The following SERGEF variants were observed in gnomAD, a reference collection of about 807,000 sequenced individuals.
The protein encoded by SERGEF is secretion-regulating guanine nucleotide exchange factor.
A neutral mutation model predicts 50.0 loss-of-function variants in SERGEF; 51 were observed. The observed-to-expected ratio is 1.02, with a 90% CI of 0.81 to 1.29. The LOEUF (loss-of-function observed/expected upper bound fraction) is 1.29, where lower values mean the gene tolerates loss of function less well. Ranked by LOEUF, SERGEF falls within the 50% of genes most tolerant of loss-of-function variation. The pLI is 0.00. For missense variants in SERGEF, 521 were observed against 557.0 expected (o/e 0.94, Z 0.65); for synonymous variants, 205 against 212.4 (o/e 0.97, Z 0.30).
chr11:17,920,953 G>A (rs1484757607), intron 9 of SERGEF, among the ~76,000 whole-genome samples: 3 of 152,180 alleles, frequency 2.0e-5, no homozygotes, highest in Admixed American at 6.5e-5. Flanking sequence ...ATCTTCAGGG[G>A]AATGTATTTA....
chr11:17,887,804 A>G (rs1851458940), intron 9 of SERGEF, among the ~76,000 whole-genome samples: 1 of 152,258 alleles, frequency 6.6e-6, no homozygotes, highest in Non-Finnish European at 1.5e-5. Context: ...CATCATCAGT[A>G]TAATGGATAC....
intron 9 of SERGEF, among the ~76,000 whole-genome samples, chr11:17,938,345 T>C (rs961727464): frequency 2.0e-5 from 3 of 152,190 alleles, no homozygotes; most frequent in Admixed American, 6.5e-5. Flanking sequence ...CAATATAATA[T>C]GAGCATCTTA....
At chr11:17,883,130 A>C (rs1851367343) in intron 9 of SERGEF, among the ~76,000 whole-genome samples, 1 of 152,180 alleles carries the variant, frequency 6.6e-6, no homozygotes, top group Non-Finnish European at 1.5e-5. Flanking sequence ...CCGAAACCCC[A>C]ATGCCAGAGG....
At chr11:17,997,383 G>A (rs1452266761) in intron 5 of SERGEF, among the ~76,000 whole-genome samples, 3 of 152,168 alleles carry the variant, frequency 2.0e-5, no homozygotes, top group Non-Finnish European at 4.4e-5. Context: ...AAAATAACAA[G>A]TGTTGGTGAG....
chr11:17,842,501 T>G (rs989315204), intron 10 of SERGEF, among the ~76,000 whole-genome samples: 2 of 152,220 alleles, frequency 1.3e-5, no homozygotes, highest in Non-Finnish European at 2.9e-5. Context: ...GGTATTCAGT[T>G]AATCCTTTCA....
At chr11:17,916,995 G>A (rs186544323) in intron 9 of SERGEF, among the ~76,000 whole-genome samples, 1 of 152,196 alleles carries the variant, frequency 6.6e-6, no homozygotes, top group Middle Eastern at 3.2e-3. Flanking sequence ...AGCCACTACA[G>A]GAAACAGTGT....
intron 10 of SERGEF, among the ~76,000 whole-genome samples, chr11:17,857,983 T>C (rs1850855024): frequency 2.0e-5 from 3 of 151,186 alleles, no homozygotes; most frequent in Admixed American, 6.6e-5. Context: ...ATACCACAGA[T>C]GAAGGAGGTA....
At chr11:17,976,224 C>T (rs549179810) in intron 8 of SERGEF, among the ~76,000 whole-genome samples, 1 of 152,242 alleles carries the variant, frequency 6.6e-6, no homozygotes, top group South Asian at 2.1e-4. Flanking sequence ...CAATATTCCT[C>T]AGAATGGGCT....
At chr11:18,009,765 G>C (rs1220547287) in intron 1 of SERGEF, among the ~76,000 whole-genome samples, 1 of 152,104 alleles carries the variant, frequency 6.6e-6, no homozygotes, top group African/African-American at 2.4e-5. Context: ...TCCCTAATCT[G>C]AAATGCTTAC....
At chr11:17,970,840 G>A (rs983213696) in intron 8 of SERGEF, among the ~76,000 whole-genome samples, 1 of 152,124 alleles carries the variant, frequency 6.6e-6, no homozygotes, top group Non-Finnish European at 1.5e-5. Flanking sequence ...GCTAAGAGAC[G>A]TGAGGGAACT....
At chr11:17,938,034 C>G (rs961388181) in intron 9 of SERGEF, among the ~76,000 whole-genome samples, 1 of 152,182 alleles carries the variant, frequency 6.6e-6, no homozygotes, top group Non-Finnish European at 1.5e-5. Context: ...CCATCACCAG[C>G]TTGGCCACTA....
intron 9 of SERGEF, among the ~76,000 whole-genome samples, chr11:17,934,308 G>A (rs1167112101): frequency 6.6e-6 from 1 of 152,032 alleles, no homozygotes; most frequent in African/African-American, 2.4e-5. Flanking sequence ...AATTATTAAT[G>A]GATATTAAAA....
chr11:17,903,976 G>A (rs182522550), intron 9 of SERGEF, among the ~76,000 whole-genome samples: 1 of 152,328 alleles, frequency 6.6e-6, no homozygotes, highest in Non-Finnish European at 1.5e-5. Flanking sequence ...GGCCTTGCAG[G>A]CATCACCACA....
chr11:17,873,972 G>A (rs1047215494), intron 10 of SERGEF, among the ~76,000 whole-genome samples: 2 of 152,218 alleles, frequency 1.3e-5, no homozygotes, highest in Admixed American at 6.5e-5. Context: ...GAGGTGAGGG[G>A]CCTGAAAGCA....
intron 10 of SERGEF, among the ~76,000 whole-genome samples, chr11:17,844,503 T>C (rs1346877616): frequency 3.9e-5 from 6 of 152,216 alleles, no homozygotes; most frequent in Non-Finnish European, 5.9e-5. Flanking sequence ...CAGAAAATTA[T>C]AAATTAATCA....
chr11:18,004,414 G>A, intron 4 of SERGEF, 27 bp downstream of exon 4: 1 of 1,545,764 alleles, frequency 6.5e-7, no homozygotes, highest in East Asian at 2.2e-5. Context: ...ACAGGTCATG[G>A]GCAAGCTAAA....
intron 9 of SERGEF, among the ~76,000 whole-genome samples, chr11:17,882,315 A>G (rs1425421369): frequency 6.7e-6 from 1 of 149,192 alleles, no homozygotes; most frequent in Non-Finnish European, 1.5e-5. Context: ...TCTGCTCAGG[A>G]GGCTGAGGCA....
At chr11:17,980,903 C>A (rs1518521) in intron 8 of SERGEF, among the ~76,000 whole-genome samples, 1 of 152,024 alleles carries the variant, frequency 6.6e-6, no homozygotes, top group Admixed American at 6.5e-5. Context: ...GCTGGAATGA[C>A]CCTTAAAGAT....
chr11:18,012,975 G>A lies in SERGEF; in HGVS notation c.36C>T (p.Pro12=), dbSNP rs1283995192. The change falls in exon 1 of 11, where the codon CCC becomes CCT. Residue 12 remains proline (P), a synonymous_variant. Coordinates refer to ENST00000265965, the MANE Select transcript of SERGEF (RefSeq NM_012139.4). ...EREPSASEAA[P]AAAALFAWGA... is the part of the protein sequence containing the mutation. ...CCCAGGCGAAGAGCGCGGCCGCCGC[G>A]GGGGCGGCCTCCGAGGCGCTGGGCT... The A allele has an allele frequency of 1.4e-6, 2 of 1,471,794 alleles. No homozygotes were observed. The highest frequency in any genetic ancestry group is 1.8e-6 in the Non-Finnish European group (2 of 1,121,040). 91.2% of individuals were successfully genotyped at this position (1,471,794 alleles called of 1,614,324 possible).
Sources: gnomAD v4.1 joint callset for allele counts (sites outside exome capture counted in the v4.1 genomes callset) on GRCh38, gnomAD v4.1.1 for gene constraint, MANE v1.5 for transcripts, NCBI Gene and HGNC (gene_info 2026-07-23, HGNC 2026-07-21) for gene names.